EPHA10: variants seen among roughly 807,000 people sequenced by gnomAD.
The protein encoded by EPHA10 is EPH receptor A10.
A neutral mutation model predicts 109.7 loss-of-function variants in EPHA10; 120 were observed. The observed-to-expected ratio is 1.09, with a 90% confidence interval of 0.94 to 1.27. EPHA10 has a LOEUF of 1.27. Ranked by LOEUF, EPHA10 falls within the 50% of genes most tolerant of loss-of-function variation. The pLI, the probability that EPHA10 is intolerant of heterozygous loss-of-function variation, is 0.00. For synonymous variants in EPHA10, 640 were observed against 618.9 expected, an observed-to-expected ratio of 1.03 and a Z score of -0.51; for missense variants, 1,396 against 1,411.1, an observed-to-expected ratio of 0.99 and a Z score of 0.17.
In EPHA10 at chr1:37,754,448, G is replaced by T; in HGVS notation, c.851-78C>A. 1 of 1,216,572 alleles carries T rather than the reference G, an allele frequency of 8.2e-7. No homozygotes were observed. The highest frequency in any genetic ancestry group is 1.0e-6 in the Non-Finnish European group (1 of 965,348). The allele number at this position is 1,216,572 out of a possible 1,614,324, so 75.4% of individuals were successfully genotyped here. On this transcript the variant is annotated intron_variant, in intron 3 of 16. Coordinates refer to ENST00000373048, the MANE Select transcript of EPHA10 (RefSeq NM_001099439.2). This position sits in a 1 kb window ranked among gnomAD's most constrained non-coding sequence, Gnocchi z 4.5. The stretch of plus-strand genomic sequence containing the variant: ...TCCTGACTGGCCTGGTTAGGGCAGC[G>T]TTTATCTCCTCCAATTGCGATAGAA...
Position 37,718,649 on chromosome 1 carries a change from C to T in EPHA10, c.2912+12G>A. 6.2e-7 allele frequency: 1 copy of T among 1,613,152 alleles called. No homozygotes were observed. Among genetic ancestry groups the T allele is most frequent in the Non-Finnish European group, 8.5e-7 (1 of 1,180,026 alleles). On this transcript the variant is annotated intron_variant, in intron 16 of 16. Transcript: ENST00000373048. ...CCCAGCCCCGGCCTTGACCTTGGTG[C>T]CTTGGACTCACTGGGCAGTCATCTC...
chr1:37,727,152 C>G lies in EPHA10; in HGVS notation c.1722G>C (p.Ser574=). The G allele has an allele frequency of 6.2e-7, 1 of 1,612,982 alleles. No homozygotes were observed. The highest frequency in any genetic ancestry group is 2.2e-5 in the East Asian group (1 of 44,770). The part of the protein sequence containing the change: ...PAIVVTVVTI[S]ALLVLGSVMS... The stretch of plus-strand genomic sequence containing the variant: ...TCACGGAGCCCAGGACGAGGAGGGC[C>G]GAGATGGTCACTACGGTGACGACAA... The change falls in exon 8 of 17, where the codon TCG becomes TCC. Residue 574 remains serine, a synonymous_variant. Transcript: ENST00000373048.
downstream of EPHA10, chr1:37,714,824 C>G (rs1228277039): frequency 6.6e-6 from 1 of 152,296 alleles, no homozygotes; most frequent in Non-Finnish European, 1.5e-5. Context: ...CAGCTCTCAG[C>G]AGGAAACAAC....
At chr1:37,729,753 G>A (rs1645950943) in intron 7 of EPHA10, among the ~76,000 whole-genome samples, 1 of 151,878 alleles carries the variant, frequency 6.6e-6, no homozygotes, top group African/African-American at 2.4e-5. Context: ...AGCGCCTGTG[G>A]TCTCAGCTAC....
chr1:37,721,652 G>A lies in EPHA10; in HGVS notation c.2146+8C>T. 3 of 1,597,974 alleles carry A rather than the reference G, an allele frequency of 1.9e-6. No homozygotes were observed. The highest frequency in any genetic ancestry group is 2.2e-5 in the East Asian group (1 of 44,456). ...GCTGGGCAGCAGGAAGGGAGCACCGGGCCCTACCTCGGGTAACAACGCCCT... is the reference window on the plus strand; with the variant it reads ...GCTGGGCAGCAGGAAGGGAGCACCGAGCCCTACCTCGGGTAACAACGCCCT... On this transcript the variant is annotated splice_region_variant and intron_variant, in intron 11 of 16. Transcript: ENST00000373048.
In EPHA10 at chr1:37,761,983, C is replaced by T. The variant is rs1401679262; in HGVS notation, c.272G>A (p.Gly91Asp). ...CTGCCCGCGGCCACGGCTTATCCAGCCAGTCTGCAGCCAGTTGTCCTGGTT... is the reference window on the plus strand; with the variant it reads ...CTGCCCGCGGCCACGGCTTATCCAGTCAGTCTGCAGCCAGTTGTCCTGGTT... ...EPNQDNWLQT[G>D]WISRGRGQRI... The change falls in exon 3 of 17, where the codon GGC (glycine) becomes GAC (aspartate). Residue 91 changes from glycine (G) to aspartate (D), a missense_variant. By Grantham distance (94) the Gly-to-Asp change is moderately conservative. Coordinates refer to ENST00000373048, the MANE Select transcript of EPHA10 (RefSeq NM_001099439.2). The T allele has an allele frequency of 6.2e-7, 1 of 1,614,214 alleles. No homozygotes were observed. Among genetic ancestry groups the T allele is most frequent in the South Asian group, 1.1e-5 (1 of 91,078 alleles).
chr1:37,756,680 T>G (rs947992264), intron 3 of EPHA10: 1 of 152,372 alleles, frequency 6.6e-6, no homozygotes, highest in Non-Finnish European at 1.5e-5. Flanking sequence ...TGGCAGAAAG[T>G]GCTTCTTAGG....
intron 8 of EPHA10, among the ~76,000 whole-genome samples, chr1:37,726,774 G>C (rs1223387714): frequency 2.0e-5 from 3 of 152,250 alleles, no homozygotes; most frequent in Non-Finnish European, 4.4e-5. Context: ...AGGGGCTGGG[G>C]GCCTCTGAGC....
rs1350314133 is a variant in EPHA10 at position 37,731,487 on chromosome 1, G to T, written c.1587C>A (p.Ile529=). 5 of 1,613,970 alleles carry T rather than the reference G, an allele frequency of 3.1e-6. No individual in the cohort carries two copies. Among genetic ancestry groups the T allele is most frequent in the Admixed American group, 3.3e-5 (2 of 59,994 alleles). ...AGGATGGCCCCGGGGAAGCGGCCCG[G>T]ATCTGAAAGACGTAGCGGGTAGCCG... ...LKPATRYVFQ[I]RAASPGPSWE... is the part of the protein sequence containing the mutation. Residue 529 remains isoleucine, a synonymous_variant, in exon 7 of 17, where the codon ATC becomes ATA. Transcript: ENST00000373048.
chr1:37,742,672 G>A (rs954560252), intron 5 of EPHA10, among the ~76,000 whole-genome samples: 10 of 68,856 alleles, frequency 1.5e-4, no homozygotes, highest in Admixed American at 1.4e-3. Flanking sequence ...TCTTATGTGA[G>A]CTAAGAAATC....
At chr1:37,732,857 CTTG>C (rs1479190851) in intron 6 of EPHA10, among the ~76,000 whole-genome samples, 428 of 41,032 alleles carry the variant, frequency 0.01, 3 homozygotes, top group African/African-American at 0.037. Context: ...CCCTTTTATA[CTTG>C]TTCTTTTTTT....
At chr1:37,729,763 C>T (rs1342107137) in intron 7 of EPHA10, among the ~76,000 whole-genome samples, 1 of 151,780 alleles carries the variant, frequency 6.6e-6, no homozygotes, top group Non-Finnish European at 1.5e-5. Context: ...GTCTCAGCTA[C>T]TTGGGAAGCT....
rs370268519 is a variant in EPHA10, at chr1:37,719,438, T to G, written c.2732A>C (p.Lys911Thr). 71 of 1,613,350 alleles carry G rather than the reference T, an allele frequency of 4.4e-5. No individual in the cohort carries two copies. Among genetic ancestry groups the G allele is most frequent in the Non-Finnish European group, 6.0e-5 (71 of 1,179,976 alleles). Residue 911 changes from lysine to threonine, a missense_variant, in exon 15 of 17, where the codon AAG becomes ACG. Transcript: ENST00000373048. The stretch of plus-strand genomic sequence containing the variant: ...CCTGGGACAGGTAGTCAGGGCACAC[T>G]TGGGGGGCTCTGGGTCCTGCACCAT... ...SKMVQDPEPP[K>T]CALTTCPRPP...
At chr1:37,762,668 T>C (rs1646443628) in intron 2 of EPHA10, 117 bp downstream of exon 2, 1 of 842,784 alleles carries the variant, frequency 1.2e-6, no homozygotes, top group African/African-American at 1.8e-5. Flanking sequence ...CCAGGGCTGC[T>C]GGAGACCACA....
chr1:37,759,864 G>A (rs570293688), intron 3 of EPHA10, among the ~76,000 whole-genome samples: 2 of 152,236 alleles, frequency 1.3e-5, no homozygotes, highest in African/African-American at 2.4e-5. Flanking sequence ...CATACCATGG[G>A]GTAAGTACAG....
chr1:37,718,435 G>A lies in EPHA10; in HGVS notation c.2964C>T (p.Leu988=). The change falls in exon 17 of 17, where the codon CTC becomes CTT. Residue 988 remains leucine, a synonymous_variant. Coordinates refer to ENST00000373048, the MANE Select transcript of EPHA10 (RefSeq NM_001099439.2). ...ISLAEHREAL[L]SGISALQARV... is the part of the protein sequence containing the mutation. ...GTGCCTGCAGGGCGCTGATCCCGCT[G>A]AGGAGGGCCTCTCGATGTTCAGCCA... 6.2e-7 allele frequency: 1 copy of A among 1,613,466 alleles called. No individual in the cohort carries two copies. The highest frequency in any genetic ancestry group is 8.5e-7 in the Non-Finnish European group (1 of 1,180,010).
intron 5 of EPHA10, among the ~76,000 whole-genome samples, chr1:37,741,863 C>T (rs1467198887): frequency 1.3e-5 from 2 of 151,910 alleles, no homozygotes; most frequent in African/African-American, 2.4e-5. Flanking sequence ...CCCCCGGGGG[C>T]GCTTCTCAGC....
chr1:37,720,244 A>G (rs1645766884), intron 13 of EPHA10, 107 bp downstream of exon 13: 1 of 1,414,748 alleles, frequency 7.1e-7, no homozygotes, highest in South Asian at 1.4e-5. Context: ...GCCAAGACCA[A>G]CTGGGTGGAG....
At chr1:37,753,339 C>T (rs1646359600) in intron 4 of EPHA10, 113 bp from the exon 5 acceptor site, 7 of 706,972 alleles carry the variant, frequency 9.9e-6, no homozygotes, top group African/African-American at 3.8e-5. Context: ...GCAGGAGAAG[C>T]AGGGGCGCGA....
Sources: allele counts gnomAD v4.1 joint callset (sites outside exome capture counted in the v4.1 genomes callset), GRCh38; gene constraint gnomAD v4.1.1; non-coding constraint Gnocchi (gnomAD v3.1); transcripts MANE v1.5; gene names NCBI Gene and HGNC (gene_info 2026-07-23, HGNC 2026-07-21).